EFL1: variants seen among roughly 807,000 people sequenced by gnomAD.
The protein encoded by EFL1 is elongation factor-like GTPase 1.
Under a neutral mutation model 126.7 loss-of-function variants are expected in EFL1, and 76 were observed. That is an observed-to-expected ratio of 0.60 (90% CI 0.50 to 0.73). The LOEUF (loss-of-function observed/expected upper bound fraction) is 0.73, where lower values mean the gene tolerates loss of function less well. Ranked by LOEUF, EFL1 falls within the 30% of genes least tolerant of loss-of-function variation. The probability of loss-of-function intolerance (pLI) is 0.00; values close to 1 mark genes in which losing one functional copy is unlikely to be tolerated. For synonymous variants in EFL1, 410 were observed against 448.4 expected, an observed-to-expected ratio of 0.91 and a Z score of 1.08; for missense variants, 1,128 against 1,343.2, an observed-to-expected ratio of 0.84 and a Z score of 2.50.
At chr15:82,208,843 G>A (rs1309199294) in intron 15 of EFL1, among the ~76,000 whole-genome samples, 1 of 151,820 alleles carries the variant, frequency 6.6e-6, no homozygotes, top group African/African-American at 2.4e-5. Context: ...TGAATCGACA[G>A]GCATCAGCAA....
chr15:82,146,694 C>G (rs923074303), intron 18 of EFL1, among the ~76,000 whole-genome samples: 3 of 151,206 alleles, frequency 2.0e-5, no homozygotes. Flanking sequence ...GTCTCAGGGG[C>G]AAAGTATTAA....
intron 19 of EFL1, among the ~76,000 whole-genome samples, chr15:82,135,019 T>C (rs1290737049): frequency 6.6e-6 from 1 of 152,108 alleles, no homozygotes; most frequent in Admixed American, 6.5e-5. Context: ...AACCTAACTA[T>C]GGGGGAAAAA....
chr15:82,235,755 A>C (rs2074866408), intron 7 of EFL1, among the ~76,000 whole-genome samples: 1 of 152,176 alleles, frequency 6.6e-6, no homozygotes, highest in Admixed American at 6.5e-5. Context: ...CTAACGGTGA[A>C]AGGCTTAATG....
chr15:82,240,114 G>A (rs559671951), intron 6 of EFL1, among the ~76,000 whole-genome samples: 4 of 152,240 alleles, frequency 2.6e-5, no homozygotes, highest in Admixed American at 2.0e-4. Flanking sequence ...TTCCTGTAAC[G>A]ACAGGTAATA....
At chr15:82,236,196 T>C (rs1429733567) in intron 7 of EFL1, among the ~76,000 whole-genome samples, 1 of 152,122 alleles carries the variant, frequency 6.6e-6, no homozygotes, top group Non-Finnish European at 1.5e-5. Context: ...AGGCATAGTG[T>C]TCATGGAATA....
chr15:82,228,829 C>T (rs910568817), intron 9 of EFL1, among the ~76,000 whole-genome samples: 25 of 152,170 alleles, frequency 1.6e-4, no homozygotes, highest in African/African-American at 5.8e-4. Flanking sequence ...TAAAATATTG[C>T]TATCCTGTCC....
chr15:82,229,614 A>C (rs1189681547), intron 8 of EFL1, among the ~76,000 whole-genome samples: 1 of 152,164 alleles, frequency 6.6e-6, no homozygotes, highest in Non-Finnish European at 1.5e-5. Flanking sequence ...TCTTCCATAC[A>C]CGAGATGGGA....
intron 15 of EFL1, among the ~76,000 whole-genome samples, chr15:82,200,797 A>T (rs1383020928): frequency 1.3e-5 from 2 of 152,232 alleles, no homozygotes; most frequent in African/African-American, 4.8e-5. Flanking sequence ...TTTTGCTTTC[A>T]CCTAAAATTC....
chr15:82,149,497 G>T (rs1205551681), intron 18 of EFL1, among the ~76,000 whole-genome samples: 1 of 152,180 alleles, frequency 6.6e-6, no homozygotes, highest in Admixed American at 6.5e-5. Context: ...TGTATTTCAT[G>T]TAGGAGGTAA....
chr15:82,259,211 A>T, intron 2 of EFL1, 56 bp from the exon 3 acceptor site: 1 of 1,446,288 alleles, frequency 6.9e-7, no homozygotes, highest in Non-Finnish European at 9.7e-7. Context: ...GGGGTCATGG[A>T]TCATACCTAT....
intron 7 of EFL1, among the ~76,000 whole-genome samples, chr15:82,236,628 C>T (rs1439882430): frequency 6.6e-6 from 1 of 152,146 alleles, no homozygotes; most frequent in African/African-American, 2.4e-5. Context: ...CCTCTCCTCC[C>T]ACCAAAAGAA....
chr15:82,241,377 T>C lies in EFL1; in HGVS notation c.271A>G (p.Ile91Val), dbSNP rs1567076622. ...AAGTCCACGTGTCCTGGAGAGTCTA[T>C]CAGATTGATCAGGTACTCCTCATTA... is the stretch of plus-strand genomic sequence containing the variant. ...TGNEEYLINL[I>V]DSPGHVDFSS... is the part of the protein sequence containing the mutation. Residue 91 changes from isoleucine (I) to valine (V), a missense_variant, in exon 5 of 20, where the codon ATA becomes GTA. By Grantham distance (29) the Ile-to-Val change is conservative. Coordinates refer to ENST00000268206, the MANE Select transcript of EFL1 (RefSeq NM_024580.6). The C allele has an allele frequency of 1.9e-6, 3 of 1,614,056 alleles. No homozygotes were observed. Among genetic ancestry groups the C allele is most frequent in the Admixed American group, 1.7e-5 (1 of 60,016 alleles).
intron 6 of EFL1, among the ~76,000 whole-genome samples, chr15:82,239,279 G>A (rs2074906049): frequency 2.6e-5 from 4 of 152,070 alleles, no homozygotes; most frequent in Admixed American, 2.0e-4. Flanking sequence ...TGGGACTACA[G>A]GGGCCTGCTA....
At chr15:82,191,784 G>A (rs995590770) in intron 15 of EFL1, among the ~76,000 whole-genome samples, 4 of 152,120 alleles carry the variant, frequency 2.6e-5, no homozygotes, top group Admixed American at 1.3e-4. Context: ...GAAATTATGT[G>A]ATCAAATCTG....
chr15:82,211,714 C>T (rs1277873352), intron 15 of EFL1, among the ~76,000 whole-genome samples: 1 of 151,562 alleles, frequency 6.6e-6, no homozygotes, highest in African/African-American at 2.4e-5. Context: ...ACTGCTGCTA[C>T]TGCTAACATA....
chr15:82,130,471 T>G lies in EFL1; in HGVS notation c.3265A>C (p.Lys1089Gln), dbSNP rs758378219. ...CGCTTTCGTACTGCGTTCATGTACT[T>G]CCGGGCTTGGTTCTCAGAGTCAGCC... ...EKADSENQAR[K>Q]YMNAVRKRKG... The change falls in exon 20 of 20, where the codon AAG (lysine) becomes CAG (glutamine). Residue 1089 changes from lysine to glutamine, a missense_variant. Lys to Gln is a moderately conservative substitution (Grantham distance 53, BLOSUM62 1). This residue lies in a region of EFL1 where 561 missense variants were observed against 641.7 expected (regional missense o/e 0.87). Coordinates refer to ENST00000268206, the MANE Select transcript of EFL1 (RefSeq NM_024580.6). 6.2e-7 allele frequency: 1 copy of G among 1,614,188 alleles called. No individual in the cohort carries two copies.
chr15:82,150,700 G>C (rs949065021), intron 18 of EFL1, among the ~76,000 whole-genome samples: 1 of 152,090 alleles, frequency 6.6e-6, no homozygotes, highest in Non-Finnish European at 1.5e-5. Flanking sequence ...TTGATATAAT[G>C]GTTAGCAGTG....
intron 15 of EFL1, among the ~76,000 whole-genome samples, chr15:82,179,794 C>T (rs2074230941): frequency 7.8e-6 from 1 of 128,436 alleles, no homozygotes; most frequent in East Asian, 2.3e-4. Flanking sequence ...ACCCTCACTT[C>T]TATATGGCTG....
At chr15:82,138,928 C>A in intron 18 of EFL1, 86 bp from the exon 19 acceptor site, 1 of 1,234,206 alleles carries the variant, frequency 8.1e-7, no homozygotes, top group Non-Finnish European at 1.1e-6. Context: ...TACTCTGTAA[C>A]AATCCATAAA....
Sources: allele counts gnomAD v4.1 joint callset (sites outside exome capture counted in the v4.1 genomes callset), GRCh38; gene constraint gnomAD v4.1.1; regional missense constraint gnomAD v4.1.1; transcripts MANE v1.5; gene names NCBI Gene and HGNC (gene_info 2026-07-23, HGNC 2026-07-21).